IGF1R: variants seen among roughly 807,000 people sequenced by gnomAD.
IGF1R encodes insulin-like growth factor 1 receptor.
A neutral mutation model predicts 144.6 loss-of-function variants in IGF1R; 44 were observed. The ratio of observed to expected loss-of-function variants is 0.30; its 90% CI spans 0.24 to 0.39. IGF1R has a LOEUF of 0.39. Ranked by LOEUF, IGF1R falls within the 10% of genes least tolerant of loss-of-function variation. IGF1R has a pLI of 1.00. For synonymous variants in IGF1R, 795 were observed against 722.8 expected, an observed-to-expected ratio of 1.10 and a Z score of -1.60; for missense variants, 1,355 against 1,833.7, an observed-to-expected ratio of 0.74 and a Z score of 4.77.
chr15:98,924,167 G>A (rs1257613858), intron 12 of IGF1R, among the ~76,000 whole-genome samples, 155 bp downstream of exon 12: 2 of 152,234 alleles, frequency 1.3e-5, no homozygotes, highest in African/African-American at 2.4e-5. Context: ...TACCCACTCT[G>A]TACTCTCCAA....
At chr15:98,806,384 A>C (rs1877627) in intron 2 of IGF1R, among the ~76,000 whole-genome samples, 151,778 of 152,312 alleles carry the variant, frequency 1, 75,624 homozygotes, top group East Asian at 1. Flanking sequence ...TGGGAGGGAC[A>C]AGTTTGGGGC....
rs1596503036 is a variant in IGF1R, at chr15:98,963,263, ATG to A, written c.*5822_*5823del. The A allele has an allele frequency of 5.3e-5, 12 of 224,624 alleles. No homozygotes were observed. In the East Asian group the frequency reaches 7.4e-4, roughly 14 times the overall value. The allele number at this position is 224,624 out of a possible 1,614,324, so 13.9% of individuals were successfully genotyped here. A position where few individuals can be genotyped will look rare whatever the true frequency, so the allele number is the denominator to read the frequency against. On this transcript the variant is annotated 3_prime_UTR_variant, in exon 21 of 21. Transcript: ENST00000650285. Reference sequence around the variant, plus strand: ...CCTGTTTACTAGCTAGCTTTACAATATGCCAAAAAAGGATTTCTCCCTGACCC... The same window carrying A: ...CCTGTTTACTAGCTAGCTTTACAATACCAAAAAAGGATTTCTCCCTGACCC...
chr15:98,695,097 A>C (rs1296358479), intron 1 of IGF1R, among the ~76,000 whole-genome samples: 1 of 152,140 alleles, frequency 6.6e-6, no homozygotes, highest in Non-Finnish European at 1.5e-5. Context: ...ATGGGTTGTG[A>C]ACAAAAACAA....
At chr15:98,846,157 C>G (rs1338101761) in intron 2 of IGF1R, among the ~76,000 whole-genome samples, 1 of 152,204 alleles carries the variant, frequency 6.6e-6, no homozygotes, top group African/African-American at 2.4e-5. Context: ...CAAAGTTGCT[C>G]TTTCAAATGG....
chr15:98,964,029 A>G lies in IGF1R; in HGVS notation c.*6587A>G. ...TTGCACACACACATCCACCGGTGGA[A>G]GAGACGCCCGGTGAAAACACCTGTC... On this transcript the variant is annotated 3_prime_UTR_variant, in exon 21 of 21. Coordinates refer to ENST00000650285, the MANE Select transcript of IGF1R (RefSeq NM_000875.5). 4.3e-6 allele frequency: 1 copy of G among 233,240 alleles called. No homozygotes were observed. Among genetic ancestry groups the G allele is most frequent in the Non-Finnish European group, 8.5e-6 (1 of 117,764 alleles). 14.4% of individuals were successfully genotyped at this position (233,240 alleles called of 1,614,324 possible).
At chr15:98,684,930 C>CTTTTTTTTTTTTTTTT (rs5814891) in intron 1 of IGF1R, among the ~76,000 whole-genome samples, 1 of 113,440 alleles carries the variant, frequency 8.8e-6, no homozygotes, top group African/African-American at 3.1e-5. Context: ...CTTCCTTTTC[C>CTTTTTTTTTTTTTTTT]TTTTTTTTTT....
At chr15:98,702,930 A>G (rs1005425443) in intron 1 of IGF1R, among the ~76,000 whole-genome samples, 2 of 152,136 alleles carry the variant, frequency 1.3e-5, no homozygotes, top group African/African-American at 4.8e-5. Context: ...GAGTGAGACC[A>G]CGTCTCAAAA....
chr15:98,897,835 G>T (rs1005711916), intron 4 of IGF1R, among the ~76,000 whole-genome samples: 1 of 152,072 alleles, frequency 6.6e-6, no homozygotes, highest in Non-Finnish European at 1.5e-5. Flanking sequence ...CTTGGTCAAG[G>T]TACTGATAGT....
intron 5 of IGF1R, among the ~76,000 whole-genome samples, chr15:98,904,011 T>C (rs939228863): frequency 3.3e-5 from 5 of 151,790 alleles, no homozygotes; most frequent in Non-Finnish European, 7.4e-5. Context: ...GGTTGGACAG[T>C]TGTGTAAATT....
intron 13 of IGF1R, 29 bp downstream of exon 13, chr15:98,924,713 GGT>G (rs3841650): frequency 0.11 from 182,471 of 1,602,496 alleles, 12,927 homozygotes; most frequent in South Asian, 0.25. Context: ...GAAGAAACGT[GGT>G]AAAACTGAAA....
At chr15:98,739,809 C>G (rs1271675807) in intron 2 of IGF1R, among the ~76,000 whole-genome samples, 2 of 152,156 alleles carry the variant, frequency 1.3e-5, no homozygotes, top group Non-Finnish European at 2.9e-5. Flanking sequence ...CCAGGCTGTT[C>G]TCGAATTCCT....
intron 2 of IGF1R, among the ~76,000 whole-genome samples, chr15:98,742,936 C>G (rs2054780608): frequency 6.6e-6 from 1 of 152,094 alleles, no homozygotes; most frequent in South Asian, 2.1e-4. Flanking sequence ...TCTCGGGAGG[C>G]TGAGACAGGA....
intron 2 of IGF1R, among the ~76,000 whole-genome samples, chr15:98,724,896 G>T (rs1037788896): frequency 6.6e-6 from 1 of 152,218 alleles, no homozygotes; most frequent in Admixed American, 6.5e-5. Flanking sequence ...GAGAAGTTCA[G>T]TGAGAACCTC....
chr15:98,802,876 TA>T (rs1003954025), intron 2 of IGF1R, among the ~76,000 whole-genome samples: 1 of 152,226 alleles, frequency 6.6e-6, no homozygotes, highest in African/African-American at 2.4e-5. Context: ...GGAATTGTGC[TA>T]CCAAAAATGA....
Position 98,692,984 on chromosome 15 carries a change from T to A in IGF1R, c.95-14578T>A, listed in dbSNP as rs979272686. Among the ~76,000 whole-genome samples, 4 of 152,290 alleles carry A rather than the reference T, an allele frequency of 2.6e-5. No individual in the cohort carries two copies. The East Asian group carries it at 7.7e-4, about 29-fold the overall frequency. On this transcript the variant is annotated intron_variant, in intron 1 of 20. Transcript: ENST00000650285. ...CAGCGTGATTGCATTTTGCCAAGGC[T>A]TTGTCCCATGTCCCTTTGTCCCGTG...
At chr15:98,717,181 G>A (rs1290466544) in intron 2 of IGF1R, among the ~76,000 whole-genome samples, 1 of 152,216 alleles carries the variant, frequency 6.6e-6, no homozygotes, top group African/African-American at 2.4e-5. Context: ...GATGCCTTGA[G>A]ATAGTGCCAT....
intron 2 of IGF1R, chr15:98,890,627 G>T (rs2013860496): frequency 6.5e-6 from 1 of 153,314 alleles, no homozygotes; most frequent in South Asian, 2.0e-4. Context: ...TCTTGCGTAA[G>T]ATCTAAGAAC....
intron 2 of IGF1R, among the ~76,000 whole-genome samples, chr15:98,776,473 A>G (rs1352293210): frequency 6.6e-6 from 1 of 152,232 alleles, no homozygotes; most frequent in Admixed American, 6.5e-5. Flanking sequence ...GGTGTGAGCC[A>G]CTGCGCCCAG....
At chr15:98,715,869 AT>A (rs1276183361) in intron 2 of IGF1R, among the ~76,000 whole-genome samples, 3 of 152,066 alleles carry the variant, frequency 2.0e-5, no homozygotes, top group African/African-American at 7.2e-5. Flanking sequence ...GGGAGATGGG[AT>A]TTTTCTGTCT....
Sources: gnomAD v4.1 joint callset for allele counts (sites outside exome capture counted in the v4.1 genomes callset) on GRCh38, gnomAD v4.1.1 for gene constraint, MANE v1.5 for transcripts, NCBI Gene and HGNC (gene_info 2026-07-23, HGNC 2026-07-21) for gene names.